Variants in TTC7A observed in about 807,000 individuals in gnomAD.
TTC7A encodes the protein tetratricopeptide repeat domain 7A, also known as tetratricopeptide repeat protein 7A.
In TTC7A, 110 loss-of-function variants were observed where a neutral mutation model predicts 103.7. That is an observed-to-expected ratio of 1.06 (90% CI 0.91 to 1.24). The LOEUF is 1.24. TTC7A is among the 50% of genes most tolerant of loss of function. TTC7A has a pLI of 0.00. For synonymous variants in TTC7A, 521 were observed against 467.9 expected (o/e 1.11, Z -1.47); for missense variants, 1,340 against 1,116.3 (o/e 1.20, Z -2.86).
rs1484984626 is a variant in TTC7A, at chr2:47,074,687, C to G, written c.*764C>G. ...TACAATGCAGGTCCCTTGAGGGCCA[C>G]CAACATGGAGGTAGGCAGTTTCTAG... On this transcript the variant is annotated 3_prime_UTR_variant, in exon 20 of 20. Coordinates refer to ENST00000319190, the MANE Select transcript of TTC7A (RefSeq NM_020458.4). 1 of 152,360 alleles carries G rather than the reference C, an allele frequency of 6.6e-6. No individual in the cohort carries two copies. The highest frequency in any genetic ancestry group is 6.5e-5 in the Admixed American group (1 of 15,280). The allele number at this position is 152,360 out of a possible 1,614,324, so 9.4% of individuals were successfully genotyped here. A position where few individuals can be genotyped will look rare whatever the true frequency, so the allele number is the denominator to read the frequency against.
chr2:46,944,545 C>A (rs1009768902), intron 1 of TTC7A, among the ~76,000 whole-genome samples: 2 of 152,012 alleles, frequency 1.3e-5, no homozygotes, highest in Non-Finnish European at 2.9e-5. Context: ...AGTGAGATCC[C>A]ATCTCTACCC....
intron 1 of TTC7A, among the ~76,000 whole-genome samples, chr2:46,950,057 T>A (rs1007417073): frequency 5.9e-5 from 9 of 152,238 alleles, no homozygotes; most frequent in African/African-American, 1.9e-4. Flanking sequence ...TGTATGACTT[T>A]GTCCCTTATT....
chr2:46,995,580 T>G (rs1049257752), intron 8 of TTC7A, among the ~76,000 whole-genome samples: 16 of 152,202 alleles, frequency 1.1e-4, no homozygotes, highest in Non-Finnish European at 1.8e-4. Context: ...GAATGTGTAC[T>G]TTGGAGTCAG....
chr2:47,074,086 G>A lies in TTC7A; in HGVS notation c.*163G>A. On this transcript the variant is annotated 3_prime_UTR_variant, in exon 20 of 20. Transcript: ENST00000319190. ...GCCCTCGTTCTCTTGGCTGGGCCAAGAGGGCCTTCCTGGATTTCTTTGTTG... is the reference window on the plus strand; with the variant it reads ...GCCCTCGTTCTCTTGGCTGGGCCAAAAGGGCCTTCCTGGATTTCTTTGTTG... 1.6e-6 allele frequency: 1 copy of A among 616,342 alleles called. No individual in the cohort carries two copies. Among genetic ancestry groups the A allele is most frequent in the Non-Finnish European group, 2.8e-6 (1 of 351,790 alleles). 38.2% of individuals were successfully genotyped at this position (616,342 alleles called of 1,614,324 possible).
chr2:47,050,088 A>G (rs1329899496), intron 17 of TTC7A, 42 bp downstream of exon 17: 3 of 1,496,520 alleles, frequency 2.0e-6, no homozygotes, highest in Non-Finnish European at 2.8e-6. Context: ...ATGGACCCAC[A>G]GCTCACACTC....
At chr2:46,957,068 C>G (rs539565312) in intron 3 of TTC7A, 61 bp downstream of exon 3, 1 of 1,598,904 alleles carries the variant, frequency 6.3e-7, no homozygotes, top group East Asian at 2.2e-5. Context: ...CACTCTGACT[C>G]CCAGGGCCCT....
chr2:46,961,226 T>A (rs1026946375), intron 3 of TTC7A, among the ~76,000 whole-genome samples: 4 of 152,144 alleles, frequency 2.6e-5, no homozygotes, highest in Non-Finnish European at 5.9e-5. Flanking sequence ...ATGAAACAGC[T>A]CCATTACCAT....
At chr2:47,050,165 G>A in intron 17 of TTC7A, 119 bp downstream of exon 17, 2 of 849,806 alleles carry the variant, frequency 2.4e-6, no homozygotes, top group African/African-American at 1.7e-5. Flanking sequence ...CCCACCACTG[G>A]CTCCTTGCCA....
chr2:47,072,053 C>T lies in TTC7A; in HGVS notation c.2356-1649C>T, dbSNP rs1410757291. On this transcript the variant is annotated intron_variant, in intron 19 of 19. Transcript: ENST00000319190. ...GCCCGTCGGCTGGCCTCCTTCCCTC[C>T]TCCCTGTGGGCCGTGTTCCATTGTG... Among the ~76,000 whole-genome samples the T allele has an allele frequency of 2.6e-5, 4 of 152,320 alleles. No individual in the cohort carries two copies. The South Asian group carries it at 6.2e-4, about 24-fold the overall frequency.
chr2:47,000,630 G>A (rs1020737390), intron 8 of TTC7A, among the ~76,000 whole-genome samples: 3 of 152,198 alleles, frequency 2.0e-5, no homozygotes, highest in African/African-American at 7.2e-5. Context: ...TGCTGGTGGG[G>A]ACGACAGCAC....
chr2:46,935,197 G>T (rs1669915823), intron 2 of TTC7A, among the ~76,000 whole-genome samples: 1 of 152,110 alleles, frequency 6.6e-6, no homozygotes, highest in Non-Finnish European at 1.5e-5. Flanking sequence ...CTGGAAAAGA[G>T]CTGTGAAGGG....
intron 12 of TTC7A, among the ~76,000 whole-genome samples, chr2:47,022,370 C>G (rs1402062157): frequency 6.6e-6 from 1 of 152,226 alleles, no homozygotes; most frequent in Non-Finnish European, 1.5e-5. Context: ...CTGCCTTTAA[C>G]CTCAGCACTG....
intron 1 of TTC7A, among the ~76,000 whole-genome samples, chr2:46,943,580 CAAAA>C (rs1050067866): frequency 6.6e-6 from 1 of 151,026 alleles, no homozygotes; most frequent in Admixed American, 6.6e-5. Flanking sequence ...ACACGAGGAA[CAAAA>C]AAAAATGCCT....
chr2:46,988,963 C>T (rs1167562403), intron 5 of TTC7A, among the ~76,000 whole-genome samples: 1 of 152,176 alleles, frequency 6.6e-6, no homozygotes, highest in African/African-American at 2.4e-5. Context: ...TTCTTGAGCA[C>T]CTTCTATGCA....
At chr2:47,058,976 G>T (rs1458712322) in intron 18 of TTC7A, among the ~76,000 whole-genome samples, 1 of 150,570 alleles carries the variant, frequency 6.6e-6, no homozygotes, top group African/African-American at 2.5e-5. Context: ...TCTCAGTGAG[G>T]GAATGGAGTG....
At chr2:47,072,363 C>T (rs1346593533) in intron 19 of TTC7A, among the ~76,000 whole-genome samples, 1 of 152,226 alleles carries the variant, frequency 6.6e-6, no homozygotes, top group Admixed American at 6.5e-5. Flanking sequence ...CGCCCCCTGG[C>T]CGCAAGATCT....
At chr2:47,070,632 G>T (rs950666043) in intron 19 of TTC7A, among the ~76,000 whole-genome samples, 20 of 152,246 alleles carry the variant, frequency 1.3e-4, no homozygotes, top group Middle Eastern at 3.4e-3. Flanking sequence ...CCGCCCTCAG[G>T]GAAGGCTTCC....
chr2:46,995,080 T>C (rs1676041472), intron 7 of TTC7A, 56 bp from the exon 8 acceptor site: 17 of 1,565,292 alleles, frequency 1.1e-5, no homozygotes, highest in Non-Finnish European at 1.5e-5. Context: ...GGTGGGTCAG[T>C]GGTGCTGTCT....
At chr2:46,932,627 G>A (rs1471105644) in intron 2 of TTC7A, among the ~76,000 whole-genome samples, 2 of 152,102 alleles carry the variant, frequency 1.3e-5, no homozygotes, top group African/African-American at 2.4e-5. Context: ...GAGGCCAGGT[G>A]CAGTGGCTCA....
Sources: allele counts gnomAD v4.1 joint callset (sites outside exome capture counted in the v4.1 genomes callset), GRCh38; gene constraint gnomAD v4.1.1; transcripts MANE v1.5; gene names NCBI Gene and HGNC (gene_info 2026-07-23, HGNC 2026-07-21).